YTHDC2: variants seen among roughly 807,000 people sequenced by gnomAD.
The protein encoded by YTHDC2 is 3'-5' RNA helicase YTHDC2.
In YTHDC2, 45 loss-of-function variants were observed where a neutral mutation model predicts 174.9. The observed-to-expected ratio is 0.26, with a 90% CI of 0.20 to 0.33. The LOEUF (loss-of-function observed/expected upper bound fraction) is 0.33. Among genes scored for constraint, YTHDC2 ranks in the 10% least tolerant of loss-of-function variants. The pLI, the probability that YTHDC2 is intolerant of heterozygous loss-of-function variation, is 1.00. For missense variants in YTHDC2, 1,650 were observed against 1,723.7 expected (o/e 0.96, Z 0.76); for synonymous variants, 657 against 574.5 (o/e 1.14, Z -2.05).
intron 3 of YTHDC2, among the ~76,000 whole-genome samples, chr5:113,526,341 C>G (rs1374252504): frequency 2.7e-5 from 3 of 112,354 alleles, no homozygotes; most frequent in Admixed American, 8.8e-5. Flanking sequence ...CTGAGGTTCA[C>G]TTTCTAATTG....
chr5:113,579,688 A>T lies in YTHDC2; in HGVS notation c.3347A>T (p.Glu1116Val). Residue 1116 changes from glutamate (E) to valine (V), a missense_variant, in exon 24 of 30, where the codon GAG (glutamate) becomes GTG (valine). Glu to Val is a moderately radical substitution (Grantham distance 121). Coordinates refer to ENST00000161863, the MANE Select transcript of YTHDC2 (RefSeq NM_022828.5). ...KLDEWLHFTL[E>V]PEAASLLLQL... Reference sequence around the variant, plus strand: ...GATGAGTGGCTCCATTTCACACTGGAGCCAGAGGTAAGTTGCTTTCAAGTA... The same window carrying T: ...GATGAGTGGCTCCATTTCACACTGGTGCCAGAGGTAAGTTGCTTTCAAGTA... 25 of 1,604,440 alleles carry T rather than the reference A, an allele frequency of 1.6e-5. No homozygotes were observed. Among genetic ancestry groups the T allele is most frequent in the Non-Finnish European group, 2.1e-5 (25 of 1,175,304 alleles).
intron 2 of YTHDC2, among the ~76,000 whole-genome samples, chr5:113,518,823 A>G (rs1169109957): frequency 6.6e-6 from 1 of 152,030 alleles, no homozygotes; most frequent in African/African-American, 2.4e-5. Context: ...TTTCAAAATT[A>G]TGTCATTTGT....
In YTHDC2 at chr5:113,592,007, G is replaced by C; in HGVS notation, c.4041G>C (p.Arg1347Ser). 1 of 1,605,006 alleles carries C rather than the reference G, an allele frequency of 6.2e-7. No individual in the cohort carries two copies. The highest frequency in any genetic ancestry group is 8.5e-7 in the Non-Finnish European group (1 of 1,175,168). The change falls in exon 28 of 30, where the codon AGG becomes AGC. Residue 1347 changes from arginine to serine, a missense_variant. Arg to Ser is a moderately radical substitution (Grantham distance 110). Coordinates refer to ENST00000161863, the MANE Select transcript of YTHDC2 (RefSeq NM_022828.5). ...CATTTTACCTACAGGGATTTTCTAG[G>C]ATGTCTTCTGAGATTGGAAGGGAAA... ...QGSGHFQGFS[R>S]MSSEIGREKS...
At chr5:113,584,088 A>G in intron 25 of YTHDC2, 1 of 364,604 alleles carries the variant, frequency 2.7e-6, no homozygotes. Flanking sequence ...AGGCTTGCTC[A>G]GGATCTCATA....
intron 4 of YTHDC2, among the ~76,000 whole-genome samples, chr5:113,531,727 A>AT (rs1339434883): frequency 6.6e-6 from 1 of 152,118 alleles, no homozygotes; most frequent in Non-Finnish European, 1.5e-5. Context: ...GGGCCAGCAC[A>AT]TGTATGAAAA....
intron 2 of YTHDC2, among the ~76,000 whole-genome samples, chr5:113,519,041 G>T (rs966279132): frequency 8.5e-6 from 1 of 117,176 alleles, no homozygotes; most frequent in Non-Finnish European, 1.7e-5. Context: ...GCTAATTTAA[G>T]ATTTTTTTTT....
Position 113,580,671 on chromosome 5 carries a change from C to A in YTHDC2, c.3355-746C>A, listed in dbSNP as rs571761509. 5.3e-5 allele frequency among the ~76,000 whole-genome samples: 8 copies of A among 152,176 alleles called. No individual in the cohort carries two copies. The South Asian group carries it at 1.4e-3, about 28-fold the overall frequency. On this transcript the variant is annotated intron_variant, in intron 24 of 29. Coordinates refer to ENST00000161863, the MANE Select transcript of YTHDC2 (RefSeq NM_022828.5). ...CTGTACTTGCCAAGGTCAACTGTGT[C>A]CTTCATGTTGTCAAAGTCAGTCTGC... is the stretch of plus-strand genomic sequence containing the variant.
chr5:113,559,523 T>G (rs1242311873), intron 17 of YTHDC2, among the ~76,000 whole-genome samples: 1 of 152,228 alleles, frequency 6.6e-6, no homozygotes, highest in Non-Finnish European at 1.5e-5. Flanking sequence ...AGCACCAGAC[T>G]GTCCATGTCA....
chr5:113,579,962 C>T, intron 24 of YTHDC2: 1 of 977,100 alleles, frequency 1.0e-6, no homozygotes, highest in Non-Finnish European at 1.2e-6. Context: ...TTATAAAGAA[C>T]AGAAATTTAT....
At chr5:113,580,886 T>G (rs1290937866) in intron 24 of YTHDC2, among the ~76,000 whole-genome samples, 1 of 152,234 alleles carries the variant, frequency 6.6e-6, no homozygotes, top group Non-Finnish European at 1.5e-5. Context: ...GACCCTGCTG[T>G]GTGTGTTTGT....
Position 113,592,103 on chromosome 5 carries a change from T to C in YTHDC2, c.4137T>C (p.Leu1379=). Residue 1379 remains leucine, a synonymous_variant, in exon 28 of 30, where the codon CTT becomes CTC. Transcript: ENST00000161863. ...FKVEWIRKES[L]PFQFAHHLLN... is the part of the protein sequence containing the mutation. ...TGGAGTGGATACGAAAAGAAAGCCT[T>C]CCCTTTCAATTTGCACACCATTTAC... 6.2e-7 allele frequency: 1 copy of C among 1,613,228 alleles called. No individual in the cohort carries two copies. The highest frequency in any genetic ancestry group is 8.5e-7 in the Non-Finnish European group (1 of 1,179,580).
At chr5:113,514,840 A>G (rs1293826906) in intron 1 of YTHDC2, among the ~76,000 whole-genome samples, 2 of 152,242 alleles carry the variant, frequency 1.3e-5, no homozygotes, top group African/African-American at 2.4e-5. Context: ...AGCAAAGACA[A>G]TGGAGTTTCA....
chr5:113,555,881 G>T (rs1396613099), intron 16 of YTHDC2, among the ~76,000 whole-genome samples, 171 bp from the exon 17 acceptor site: 1 of 152,082 alleles, frequency 6.6e-6, no homozygotes, highest in Non-Finnish European at 1.5e-5. Flanking sequence ...TAGTATGTTT[G>T]TAACCAGAAA....
chr5:113,563,303 TG>T, intron 18 of YTHDC2, 69 bp from the exon 19 acceptor site: 1 of 1,367,114 alleles, frequency 7.3e-7, no homozygotes, highest in South Asian at 1.5e-5. Flanking sequence ...GTAGTTCCCA[TG>T]ATTTCTTTAA....
chr5:113,538,427 C>G (rs1580521472), intron 7 of YTHDC2, among the ~76,000 whole-genome samples: 1 of 152,116 alleles, frequency 6.6e-6, no homozygotes, highest in Admixed American at 6.5e-5. Context: ...TGAACGATAT[C>G]CCTCTCCATT....
intron 2 of YTHDC2, among the ~76,000 whole-genome samples, chr5:113,516,248 T>A (rs914868332): frequency 6.6e-6 from 1 of 152,234 alleles, no homozygotes; most frequent in African/African-American, 2.4e-5. Context: ...TACTGCAATA[T>A]AATAATAAGC....
chr5:113,570,252 A>G (rs1373799012), intron 23 of YTHDC2, among the ~76,000 whole-genome samples: 1 of 151,666 alleles, frequency 6.6e-6, no homozygotes, highest in South Asian at 2.1e-4. Flanking sequence ...ACGCACCACA[A>G]TTCCTGGCTA....
chr5:113,520,965 C>T (rs1393479342), intron 2 of YTHDC2, among the ~76,000 whole-genome samples: 1 of 152,102 alleles, frequency 6.6e-6, no homozygotes, highest in African/African-American at 2.4e-5. Flanking sequence ...TCTATGTGTC[C>T]ATGTGTTTTC....
At chr5:113,534,252 A>T in intron 5 of YTHDC2, 53 bp from the exon 6 acceptor site, 2 of 1,308,696 alleles carry the variant, frequency 1.5e-6, no homozygotes, top group Non-Finnish European at 2.2e-6. Context: ...ATTATATTTT[A>T]GTTACATGAA....
Sources: allele counts gnomAD v4.1 joint callset (sites outside exome capture counted in the v4.1 genomes callset), GRCh38; gene constraint gnomAD v4.1.1; transcripts MANE v1.5; gene names NCBI Gene and HGNC (gene_info 2026-07-23, HGNC 2026-07-21).